The following E2F6 variants were observed in gnomAD, a reference collection of about 807,000 sequenced individuals.
The protein encoded by E2F6 is transcription factor E2F6.
Under a neutral mutation model 31.5 loss-of-function variants are expected in E2F6, and 19 were observed. The ratio of observed to expected loss-of-function variants is 0.60; its 90% CI spans 0.42 to 0.89. E2F6 has a LOEUF of 0.89. Among genes scored for constraint, E2F6 ranks in the 40% least tolerant of loss-of-function variants. E2F6 has a pLI of 0.00. For synonymous variants in E2F6, 121 were observed against 127.7 expected (o/e 0.95, Z 0.36); for missense variants, 269 against 341.6 (o/e 0.79, Z 1.67).
chr2:11,457,160 T>G lies in E2F6; in HGVS notation c.163+19A>C. The G allele has an allele frequency of 6.5e-7, 1 of 1,528,452 alleles. No individual in the cohort carries two copies. The highest frequency in any genetic ancestry group is 9.0e-7 in the Non-Finnish European group (1 of 1,107,774). The allele number at this position is 1,528,452 out of a possible 1,614,324, so 94.7% of individuals were successfully genotyped here. On this transcript the variant is annotated intron_variant, in intron 2 of 6. Transcript: ENST00000381525. Reference sequence around the variant, plus strand: ...GTTCAAACTAACAAAACCTAAAACCTATTCAGGAATCAACTTACTTCTCAT... The same window carrying G: ...GTTCAAACTAACAAAACCTAAAACCGATTCAGGAATCAACTTACTTCTCAT...
chr2:11,455,877 T>C (rs981924795), intron 2 of E2F6, among the ~76,000 whole-genome samples: 1 of 152,090 alleles, frequency 6.6e-6, no homozygotes, highest in Non-Finnish European at 1.5e-5. Flanking sequence ...GGAAGGCCTC[T>C]TGATGGGAGT....
At chr2:11,458,025 A>T (rs554486649) in intron 1 of E2F6, among the ~76,000 whole-genome samples, 1 of 152,356 alleles carries the variant, frequency 6.6e-6, no homozygotes, top group African/African-American at 2.4e-5. Context: ...AGTTTGCATA[A>T]AACTGGTAGT....
At chr2:11,465,751 C>A in intron 1 of E2F6, 21 bp downstream of exon 1, 1 of 1,569,764 alleles carries the variant, frequency 6.4e-7, no homozygotes, top group East Asian at 2.4e-5. Context: ...CCGCCCGTCC[C>A]CGTCCCGTCC....
intron 3 of E2F6, 94 bp from the exon 4 acceptor site, chr2:11,451,900 A>T: frequency 1.6e-6 from 2 of 1,264,826 alleles, no homozygotes; most frequent in Non-Finnish European, 2.2e-6. Flanking sequence ...AATGTTTGCC[A>T]TAAGTGTTTT....
Position 11,465,914 on chromosome 2 carries a change from C to A in E2F6, c.-35G>T, listed in dbSNP as rs574200041. The A allele has an allele frequency of 2.5e-5, 38 of 1,493,676 alleles. No individual in the cohort carries two copies. The highest frequency in any genetic ancestry group is 3.4e-5 in the Non-Finnish European group (38 of 1,114,658). The allele number at this position is 1,493,676 out of a possible 1,614,324, so 92.5% of individuals were successfully genotyped here. A position where few individuals can be genotyped will look rare whatever the true frequency, so the allele number is the denominator to read the frequency against. On this transcript the variant is annotated 5_prime_UTR_variant, in exon 1 of 7. Coordinates refer to ENST00000381525, the MANE Select transcript of E2F6 (RefSeq NM_198256.4). ...CCGGGCGTCCTGCTCCCCTCGCACCCCACGAGCTCTCCCGCCCTCTCGCGC... is the reference window on the plus strand; with the variant it reads ...CCGGGCGTCCTGCTCCCCTCGCACCACACGAGCTCTCCCGCCCTCTCGCGC...
chr2:11,458,358 G>C, intron 1 of E2F6: 2 of 1,551,690 alleles, frequency 1.3e-6, no homozygotes, highest in East Asian at 4.9e-5. Flanking sequence ...ACAACTGTGG[G>C]GAGAGAAGAA....
intron 1 of E2F6, among the ~76,000 whole-genome samples, chr2:11,464,954 T>C (rs1303396365): frequency 6.6e-6 from 1 of 151,588 alleles, no homozygotes; most frequent in Non-Finnish European, 1.5e-5. Flanking sequence ...GCTCGGTGGA[T>C]CACCTGAGGT....
At chr2:11,460,284 GT>G (rs1469183550) in intron 1 of E2F6, among the ~76,000 whole-genome samples, 2 of 149,656 alleles carry the variant, frequency 1.3e-5, no homozygotes, top group South Asian at 4.4e-4. Context: ...CTTTGGAAAG[GT>G]TATTGCATTC....
At chr2:11,448,732 A>G (rs191229390) in intron 5 of E2F6, among the ~76,000 whole-genome samples, 23 of 152,376 alleles carry the variant, frequency 1.5e-4, no homozygotes, top group Non-Finnish European at 3.2e-4. Context: ...TCAAACTTCC[A>G]TAAAGGCTGA....
At chr2:11,459,292 G>A (rs1671614879) in intron 1 of E2F6, among the ~76,000 whole-genome samples, 2 of 152,140 alleles carry the variant, frequency 1.3e-5, no homozygotes, top group South Asian at 4.1e-4. Context: ...ATTCTAGGGT[G>A]TCTTCTCTGC....
chr2:11,454,617 G>C (rs1671287563), intron 2 of E2F6, among the ~76,000 whole-genome samples: 1 of 152,010 alleles, frequency 6.6e-6, no homozygotes, highest in African/African-American at 2.4e-5. Context: ...CCGAAGTACT[G>C]GGATTACAGG....
intron 2 of E2F6, 64 bp downstream of exon 2, chr2:11,457,115 A>C (rs1256255243): frequency 3.3e-6 from 4 of 1,222,302 alleles, no homozygotes; most frequent in Non-Finnish European, 4.8e-6. Flanking sequence ...CACTTAAACA[A>C]ATCATTTTAA....
At chr2:11,453,219 C>T (rs751247591) in intron 3 of E2F6, among the ~76,000 whole-genome samples, 9 of 151,692 alleles carry the variant, frequency 5.9e-5, no homozygotes, top group South Asian at 2.1e-4. Context: ...CACCTCGCTA[C>T]GTCATAATCT....
Position 11,451,514 on chromosome 2 carries a change from G to C in E2F6, c.536+137C>G, listed in dbSNP as rs1416735903. The C allele has an allele frequency of 7.4e-5, 66 of 889,876 alleles. No homozygotes were observed. The East Asian group carries it at 2.1e-3, about 28-fold the overall frequency. The allele number at this position is 889,876 out of a possible 1,614,324, so 55.1% of individuals were successfully genotyped here. ...TACAGCCATGTGTGCCACCACGCCT[G>C]GCTAATTTTGTATTTAACTTTCAAT... is the stretch of plus-strand genomic sequence containing the variant. On this transcript the variant is annotated intron_variant, in intron 4 of 6. Transcript: ENST00000381525.
chr2:11,456,605 G>A (rs963789245), intron 2 of E2F6, among the ~76,000 whole-genome samples: 22 of 152,294 alleles, frequency 1.4e-4, no homozygotes, highest in Admixed American at 5.2e-4. Context: ...CACTGTATGA[G>A]CTCAATAAAT....
intron 2 of E2F6, chr2:11,455,336 T>G: frequency 2.6e-6 from 3 of 1,164,014 alleles, no homozygotes; most frequent in Non-Finnish European, 2.2e-6. Flanking sequence ...GAAATGTCCA[T>G]CCTACCTTCA....
chr2:11,452,035 T>C (rs892843265), intron 3 of E2F6, among the ~76,000 whole-genome samples: 2 of 152,178 alleles, frequency 1.3e-5, no homozygotes, highest in African/African-American at 4.8e-5. Context: ...AAAAATACAT[T>C]ACAACCTAAC....
intron 1 of E2F6, among the ~76,000 whole-genome samples, chr2:11,463,128 T>C (rs1408106499): frequency 6.6e-6 from 1 of 152,210 alleles, no homozygotes; most frequent in Non-Finnish European, 1.5e-5. Flanking sequence ...TCTCAAATAT[T>C]AAGACCACCA....
intron 1 of E2F6, among the ~76,000 whole-genome samples, chr2:11,457,587 C>A (rs1458667556): frequency 6.6e-6 from 1 of 152,204 alleles, no homozygotes; most frequent in African/African-American, 2.4e-5. Context: ...CATGCCACTG[C>A]ACTCCAGCCT....
Sources: gnomAD v4.1 joint callset for allele counts (sites outside exome capture counted in the v4.1 genomes callset) on GRCh38, gnomAD v4.1.1 for gene constraint, MANE v1.5 for transcripts, NCBI Gene and HGNC (gene_info 2026-07-23, HGNC 2026-07-21) for gene names.